Variants in TRPM8 observed in about 807,000 individuals in gnomAD.
TRPM8 encodes TRPM8 cationic channel.
A neutral mutation model predicts 133.7 loss-of-function variants in TRPM8; 110 were observed. That is an observed-to-expected ratio of 0.82 (90% CI 0.70 to 0.96). The LOEUF (loss-of-function observed/expected upper bound fraction) is 0.96, where lower values mean the gene tolerates loss of function less well. Ranked by LOEUF, TRPM8 falls within the 40% of genes least tolerant of loss-of-function variation. TRPM8 has a pLI of 0.00. For missense variants in TRPM8, 1,291 were observed against 1,379.5 expected (o/e 0.94, Z 1.02); for synonymous variants, 535 against 532.3 (o/e 1.01, Z -0.07).
chr2:233,923,876 A>G (rs1250893302), intron 1 of TRPM8, among the ~76,000 whole-genome samples: 1 of 152,260 alleles, frequency 6.6e-6, no homozygotes, highest in East Asian at 1.9e-4. Flanking sequence ...AAAGAGGCTT[A>G]CAATCAATGT....
chr2:234,018,489 C>G lies in TRPM8; in HGVS notation c.*1233C>G, dbSNP rs2125428784. ...ATAAGGCTTTTTCATAAATGTATAG[C>G]AAATAGGAATTATTAACTTGAGCAT... On this transcript the variant is annotated 3_prime_UTR_variant, in exon 26 of 26. Coordinates refer to ENST00000324695, the MANE Select transcript of TRPM8 (RefSeq NM_024080.5). 1 of 151,676 alleles carries G rather than the reference C, an allele frequency of 6.6e-6. No individual in the cohort carries two copies. Among genetic ancestry groups the G allele is most frequent in the Admixed American group, 6.6e-5 (1 of 15,226 alleles). The allele number at this position is 151,676 out of a possible 1,614,324, so 9.4% of individuals were successfully genotyped here. A position where few individuals can be genotyped will look rare whatever the true frequency, so the allele number is the denominator to read the frequency against.
At chr2:233,936,282 G>A (rs559399937) in intron 3 of TRPM8, among the ~76,000 whole-genome samples, 4 of 152,254 alleles carry the variant, frequency 2.6e-5, no homozygotes, top group East Asian at 1.9e-4. Flanking sequence ...GTGGATTTTC[G>A]GTCAGTATCT....
intron 24 of TRPM8, among the ~76,000 whole-genome samples, chr2:234,011,719 C>A (rs1435642140): frequency 6.6e-6 from 1 of 151,910 alleles, no homozygotes; most frequent in Non-Finnish European, 1.5e-5. Flanking sequence ...GAGATCGAGA[C>A]CATCCTGGCT....
chr2:233,918,615 C>G (rs926905455), intron 1 of TRPM8, among the ~76,000 whole-genome samples: 4 of 152,138 alleles, frequency 2.6e-5, no homozygotes, highest in Non-Finnish European at 4.4e-5. Flanking sequence ...CGGGAGCCTC[C>G]ACTGGCTTTT....
intron 22 of TRPM8, among the ~76,000 whole-genome samples, chr2:234,006,049 T>G (rs1692687639): frequency 6.6e-6 from 1 of 152,086 alleles, no homozygotes; most frequent in Non-Finnish European, 1.5e-5. Context: ...AGAGAAATCT[T>G]ATAATTATTC....
intron 17 of TRPM8, 91 bp from the exon 18 acceptor site, chr2:233,980,097 C>A (rs2125274974): frequency 1.1e-6 from 1 of 870,760 alleles, no homozygotes; most frequent in Non-Finnish European, 1.8e-6. Flanking sequence ...TCAAAAAGGA[C>A]CTGGAAGAAA....
rs747516886 is a variant in TRPM8 at position 233,960,811 on chromosome 2, C to T, written c.1398C>T (p.Leu466=). 8 of 1,614,160 alleles carry T rather than the reference C, an allele frequency of 5.0e-6. No individual in the cohort carries two copies. Among genetic ancestry groups the T allele is most frequent in the African/African-American group, 1.3e-5 (1 of 75,028 alleles). Residue 466 remains leucine (L), a synonymous_variant, in exon 12 of 26, where the codon CTC becomes CTT. Transcript: ENST00000324695. ...ADLQEVMFTA[L]IKDRPKFVRL... ...TTCAAGAAGTCATGTTTACGGCTCT[C>T]ATAAAGGACAGACCCAAGTTTGTCC... is the stretch of plus-strand genomic sequence containing the variant.
At position 233,996,568 on chromosome 2, in the gene TRPM8, G is replaced by A. The variant is rs1692409005; in HGVS notation, c.3130+52G>A. On this transcript the variant is annotated intron_variant, in intron 22 of 25. Coordinates refer to ENST00000324695, the MANE Select transcript of TRPM8 (RefSeq NM_024080.5). ...GGATCAGAAGCAGCGATTAATTTCA[G>A]GGAAGGATGCCTGGTGTGTATCTCA... The A allele has an allele frequency of 5.3e-6, 8 of 1,516,426 alleles. No homozygotes were observed. In the Admixed American group the frequency reaches 1.4e-4, roughly 26 times the overall value. The allele number at this position is 1,516,426 out of a possible 1,614,324, so 93.9% of individuals were successfully genotyped here.
At chr2:233,959,672 T>C (rs1691384233) in intron 11 of TRPM8, among the ~76,000 whole-genome samples, 1 of 152,198 alleles carries the variant, frequency 6.6e-6, no homozygotes, top group Non-Finnish European at 1.5e-5. Flanking sequence ...ACTTTCTAAT[T>C]TTTAAATGTT....
Position 233,966,717 on chromosome 2 carries a change from G to A in TRPM8, c.1987G>A (p.Ala663Thr). Residue 663 changes from alanine (A) to threonine (T), a missense_variant, in exon 15 of 26, where the codon GCC becomes ACC. Coordinates refer to ENST00000324695, the MANE Select transcript of TRPM8 (RefSeq NM_024080.5). Reference protein sequence around the residue: ...GSNCLELAVEATDQHFIAQPG... With the variant: ...GSNCLELAVETTDQHFIAQPG... ...CAACTGTCTGGAGCTGGCGGTGGAGGCCACAGACCAGCATTTCATCGCCCA... is the reference window on the plus strand; with the variant it reads ...CAACTGTCTGGAGCTGGCGGTGGAGACCACAGACCAGCATTTCATCGCCCA... The A allele has an allele frequency of 6.2e-7, 1 of 1,605,384 alleles. No homozygotes were observed. Among genetic ancestry groups the A allele is most frequent in the Non-Finnish European group, 8.5e-7 (1 of 1,173,778 alleles).
intron 17 of TRPM8, among the ~76,000 whole-genome samples, chr2:233,976,416 G>T (rs549635268): frequency 6.6e-6 from 1 of 152,272 alleles, no homozygotes; most frequent in East Asian, 1.9e-4. Context: ...CCTGGGCAGG[G>T]TTAGCATGAG....
chr2:233,942,758 G>A lies in TRPM8; in HGVS notation c.699+10G>A. 1 of 1,613,886 alleles carries A rather than the reference G, an allele frequency of 6.2e-7. No individual in the cohort carries two copies. The highest frequency in any genetic ancestry group is 2.2e-5 in the East Asian group (1 of 44,884). On this transcript the variant is annotated intron_variant, in intron 6 of 25. Transcript: ENST00000324695. ...GAATTGCGATGCTGAGGTACCGGTG[G>A]GACAGGAGGAGGTCTGCTAGGTCAC...
At chr2:233,952,483 T>C (rs1232162178) in intron 9 of TRPM8, among the ~76,000 whole-genome samples, 1 of 151,300 alleles carries the variant, frequency 6.6e-6, no homozygotes, top group Non-Finnish European at 1.5e-5. Flanking sequence ...GTGGTGGTGG[T>C]GGGAACAGCA....
At chr2:233,941,706 T>G (rs1018326651) in intron 5 of TRPM8, among the ~76,000 whole-genome samples, 1 of 152,138 alleles carries the variant, frequency 6.6e-6, no homozygotes, top group African/African-American at 2.4e-5. Context: ...AAAATATTTT[T>G]TAGGTATTGT....
At chr2:233,939,917 A>G (rs1004292518) in intron 5 of TRPM8, among the ~76,000 whole-genome samples, 11 of 152,050 alleles carry the variant, frequency 7.2e-5, no homozygotes, top group African/African-American at 1.2e-4. Flanking sequence ...CAATTTTCAA[A>G]CCCGAACAGT....
intron 9 of TRPM8, among the ~76,000 whole-genome samples, chr2:233,950,593 A>C (rs151233753): frequency 6.6e-6 from 1 of 152,296 alleles, no homozygotes; most frequent in Non-Finnish European, 1.5e-5. Flanking sequence ...CCACCCTGAC[A>C]CAGGCAGCGC....
chr2:233,939,584 C>T lies in TRPM8; in HGVS notation c.526+409C>T, dbSNP rs1026919567. On this transcript the variant is annotated intron_variant, in intron 5 of 25. Transcript: ENST00000324695. Reference sequence around the variant, plus strand: ...GACAGTGCCTGAGAAATTGTGAGCACCACAGAAGTGTCTGATTGAGGTCAA... The same window carrying T: ...GACAGTGCCTGAGAAATTGTGAGCATCACAGAAGTGTCTGATTGAGGTCAA... 2.0e-5 allele frequency among the ~76,000 whole-genome samples: 3 copies of T among 152,122 alleles called. No individual in the cohort carries two copies. The East Asian group carries it at 5.8e-4, about 29-fold the overall frequency.
At chr2:233,969,604 G>A in intron 15 of TRPM8, 91 bp from the exon 16 acceptor site, 1 of 765,432 alleles carries the variant, frequency 1.3e-6, no homozygotes, top group Admixed American at 2.0e-5. Context: ...GTATTTTGGG[G>A]AAAGTGTGGG....
chr2:233,983,244 G>T lies in TRPM8; in HGVS notation c.2761+20G>T. 1 of 1,613,898 alleles carries T rather than the reference G, an allele frequency of 6.2e-7. No individual in the cohort carries two copies. Among genetic ancestry groups the T allele is most frequent in the Non-Finnish European group, 8.5e-7 (1 of 1,179,914 alleles). On this transcript the variant is annotated intron_variant, in intron 20 of 25. Coordinates refer to ENST00000324695, the MANE Select transcript of TRPM8 (RefSeq NM_024080.5). Reference sequence around the variant, plus strand: ...TGGATGGTAAGCCTGACTTGGCTCAGATGGAAACAGCTTGGAGGAGGCATT... The same window carrying T: ...TGGATGGTAAGCCTGACTTGGCTCATATGGAAACAGCTTGGAGGAGGCATT...
Sources: allele counts gnomAD v4.1 joint callset (sites outside exome capture counted in the v4.1 genomes callset), GRCh38; gene constraint gnomAD v4.1.1; transcripts MANE v1.5; gene names NCBI Gene and HGNC (gene_info 2026-07-23, HGNC 2026-07-21).